Variants in PAK5 observed in about 807,000 individuals in gnomAD.
PAK5 encodes the protein p21 (RAC1) activated kinase 5.
In PAK5, 16 loss-of-function variants were observed where a neutral mutation model predicts 65.9. The ratio of observed to expected loss-of-function variants is 0.24; its 90% CI spans 0.16 to 0.37. The LOEUF is 0.37. PAK5 is among the 10% of genes least tolerant of loss of function. PAK5 has a pLI of 1.00. For synonymous variants in PAK5, 371 were observed against 354.9 expected (o/e 1.05, Z -0.51); for missense variants, 785 against 903.9 (o/e 0.87, Z 1.69).
chr20:9,547,709 G>A (rs1444185789), intron 7 of PAK5, among the ~76,000 whole-genome samples: 1 of 152,122 alleles, frequency 6.6e-6, no homozygotes, highest in East Asian at 1.9e-4. Context: ...CCTTCAGGAG[G>A]GATGGGATGG....
chr20:9,649,863 G>A (rs2047180945), intron 2 of PAK5, among the ~76,000 whole-genome samples: 1 of 151,964 alleles, frequency 6.6e-6, no homozygotes, highest in South Asian at 2.1e-4. Context: ...CATATTGTAA[G>A]GACTATTATT....
chr20:9,652,780 A>T (rs1413705421), intron 2 of PAK5, among the ~76,000 whole-genome samples: 1 of 152,144 alleles, frequency 6.6e-6, no homozygotes, highest in East Asian at 1.9e-4. Context: ...TCTGGCTTCT[A>T]ATTTCTACCA....
At chr20:9,739,455 C>A (rs532051275) in intron 1 of PAK5, among the ~76,000 whole-genome samples, 6 of 152,220 alleles carry the variant, frequency 3.9e-5, no homozygotes, top group African/African-American at 1.4e-4. Context: ...CTTCTAATAT[C>A]ATCCTTAGTT....
At chr20:9,686,587 A>G (rs564305481) in intron 2 of PAK5, among the ~76,000 whole-genome samples, 1 of 152,128 alleles carries the variant, frequency 6.6e-6, no homozygotes, top group African/African-American at 2.4e-5. Context: ...GCATCCTTCT[A>G]TGATTACAGC....
intron 1 of PAK5, among the ~76,000 whole-genome samples, chr20:9,740,156 A>C (rs568691249): frequency 6.6e-6 from 1 of 152,326 alleles, no homozygotes; most frequent in African/African-American, 2.4e-5. Flanking sequence ...CTTTAACAGC[A>C]AACACCTTAA....
intron 1 of PAK5, among the ~76,000 whole-genome samples, chr20:9,729,889 G>A (rs966141895): frequency 6.6e-6 from 1 of 151,422 alleles, no homozygotes; most frequent in African/African-American, 2.4e-5. Context: ...ATGTGTGCCT[G>A]TAGTCCCAGC....
chr20:9,744,973 TAAC>T (rs1302023361), intron 1 of PAK5, among the ~76,000 whole-genome samples: 1 of 152,148 alleles, frequency 6.6e-6, no homozygotes, highest in East Asian at 1.9e-4. Flanking sequence ...GAAAAAATTT[TAAC>T]AACAGGAGAA....
intron 1 of PAK5, among the ~76,000 whole-genome samples, chr20:9,714,803 C>T (rs2048122401): frequency 6.6e-6 from 1 of 152,046 alleles, no homozygotes; most frequent in African/African-American, 2.4e-5. Context: ...GAAAGGAGTC[C>T]CTATTTAATA....
At chr20:9,621,853 A>G (rs1462742773) in intron 3 of PAK5, among the ~76,000 whole-genome samples, 3 of 152,224 alleles carry the variant, frequency 2.0e-5, no homozygotes, top group African/African-American at 7.2e-5. Context: ...AAAAGTCAGA[A>G]TTGCTATCTC....
At chr20:9,719,010 C>A (rs1204312465) in intron 1 of PAK5, among the ~76,000 whole-genome samples, 7 of 152,258 alleles carry the variant, frequency 4.6e-5, no homozygotes, top group South Asian at 2.1e-4. Flanking sequence ...CATCTGCCCC[C>A]CTGTGATCTT....
At chr20:9,659,416 T>G (rs1319249827) in intron 2 of PAK5, among the ~76,000 whole-genome samples, 1 of 152,184 alleles carries the variant, frequency 6.6e-6, no homozygotes, top group African/African-American at 2.4e-5. Context: ...CTGGTGAGAC[T>G]ATGGGCTTCA....
chr20:9,598,424 A>G (rs984511550), intron 3 of PAK5, among the ~76,000 whole-genome samples: 12 of 152,186 alleles, frequency 7.9e-5, no homozygotes, highest in African/African-American at 2.9e-4. Flanking sequence ...AAACATATAC[A>G]TACATGTATC....
chr20:9,579,804 T>C (rs2045946067), intron 4 of PAK5, among the ~76,000 whole-genome samples: 2 of 152,254 alleles, frequency 1.3e-5, no homozygotes, highest in African/African-American at 4.8e-5. Context: ...TGTATATGAC[T>C]GATCCACTCC....
chr20:9,761,421 T>C (rs577663525), intron 1 of PAK5, among the ~76,000 whole-genome samples: 15 of 152,292 alleles, frequency 9.8e-5, no homozygotes, highest in African/African-American at 3.4e-4. Flanking sequence ...TGTTCATGGA[T>C]TGAAATAATT....
intron 3 of PAK5, among the ~76,000 whole-genome samples, chr20:9,637,517 T>C (rs961902824): frequency 1.3e-5 from 2 of 152,092 alleles, no homozygotes; most frequent in Non-Finnish European, 2.9e-5. Flanking sequence ...CTTTTCACCA[T>C]AGGCCCAAGA....
At chr20:9,784,610 G>GAAGCCTACAGTAGGC (rs1569086659) in intron 1 of PAK5, 1 of 152,098 alleles carries the variant, frequency 6.6e-6, no homozygotes, top group Non-Finnish European at 1.5e-5. Flanking sequence ...AAAATGTAGG[G>GAAGCCTACAGTAGGC]TTCAGTTGGA....
intron 1 of PAK5, among the ~76,000 whole-genome samples, chr20:9,761,175 T>C (rs2048695057): frequency 6.6e-6 from 1 of 152,146 alleles, no homozygotes; most frequent in African/African-American, 2.4e-5. Flanking sequence ...GATCCCACTG[T>C]TTTTCAAAGA....
intron 4 of PAK5, among the ~76,000 whole-genome samples, chr20:9,572,304 T>C (rs2045803527): frequency 6.6e-6 from 1 of 152,186 alleles, no homozygotes; most frequent in African/African-American, 2.4e-5. Flanking sequence ...CCTCCTCACA[T>C]AGCTCTTGGA....
chr20:9,775,119 T>G (rs1328907831), intron 1 of PAK5, among the ~76,000 whole-genome samples: 4 of 152,148 alleles, frequency 2.6e-5, no homozygotes, highest in African/African-American at 9.7e-5. Context: ...AGCAAATGAC[T>G]GGAAAGAGAC....
Sources: allele counts gnomAD v4.1 joint callset (sites outside exome capture counted in the v4.1 genomes callset), GRCh38; gene constraint gnomAD v4.1.1; transcripts MANE v1.5; gene names NCBI Gene and HGNC (gene_info 2026-07-23, HGNC 2026-07-21).